Variants in AKAP13 observed in about 807,000 individuals in gnomAD.
AKAP13 encodes the protein A-kinase anchor protein 13.
A neutral mutation model predicts 264.5 loss-of-function variants in AKAP13; 80 were observed. The observed-to-expected ratio is 0.30, with a 90% CI of 0.25 to 0.36. AKAP13 has a LOEUF of 0.36. Ranked by LOEUF, AKAP13 falls within the 10% of genes least tolerant of loss-of-function variation. The probability of loss-of-function intolerance (pLI) is 1.00; values close to 1 mark genes in which losing one functional copy is unlikely to be tolerated. For synonymous variants in AKAP13, 1,380 were observed against 1,250.2 expected, an observed-to-expected ratio of 1.10 and a Z score of -2.19; for missense variants, 3,712 against 3,435.2, an observed-to-expected ratio of 1.08 and a Z score of -2.01.
Position 85,565,294 on chromosome 15 carries a change from T to C in AKAP13, c.663-9837T>C, listed in dbSNP as rs189008124. ...AATCTCTATGGACCTTCCTGCAGTA[T>C]TTATATTCGTTCATCTACAGATCTT... On this transcript the variant is annotated intron_variant, in intron 5 of 36. Transcript: ENST00000394518. Among the ~76,000 whole-genome samples the C allele has an allele frequency of 1.8e-3, 273 of 152,218 alleles. 1 individual carries two copies. Among genetic ancestry groups the C allele is most frequent in the Admixed American group, 4.4e-3 (67 of 15,284 alleles).
chr15:85,440,006 C>G (rs2073563016), intron 1 of AKAP13, among the ~76,000 whole-genome samples: 1 of 151,334 alleles, frequency 6.6e-6, no homozygotes, highest in Non-Finnish European at 1.5e-5. Flanking sequence ...AAATAAAAAC[C>G]AGGTTGTCAC....
chr15:85,720,142 G>A (rs1414708935), intron 23 of AKAP13, among the ~76,000 whole-genome samples: 1 of 151,958 alleles, frequency 6.6e-6, no homozygotes, highest in Non-Finnish European at 1.5e-5. Context: ...CCCGAGGTGG[G>A]AGGATCACTT....
chr15:85,711,211 A>G (rs1261665890), intron 19 of AKAP13, among the ~76,000 whole-genome samples: 2 of 152,038 alleles, frequency 1.3e-5, no homozygotes, highest in Non-Finnish European at 2.9e-5. Context: ...GAAGTTATAG[A>G]AAATAGTTCT....
intron 5 of AKAP13, among the ~76,000 whole-genome samples, chr15:85,549,725 A>T (rs1395316833): frequency 6.6e-6 from 1 of 152,218 alleles, no homozygotes. Flanking sequence ...GAGACTCAGG[A>T]CGAGGCTACT....
chr15:85,594,390 A>G (rs1175316990), intron 8 of AKAP13, among the ~76,000 whole-genome samples: 2 of 152,268 alleles, frequency 1.3e-5, no homozygotes, highest in African/African-American at 4.8e-5. Context: ...GTTAAAATAC[A>G]GGTAAACATA....
intron 5 of AKAP13, among the ~76,000 whole-genome samples, chr15:85,552,271 C>T (rs1286807745): frequency 1.3e-5 from 2 of 152,166 alleles, no homozygotes; most frequent in Non-Finnish European, 2.9e-5. Flanking sequence ...CTTGTCCTGG[C>T]ACATCAGTAA....
At chr15:85,413,419 AT>A (rs1369001902) in intron 1 of AKAP13, among the ~76,000 whole-genome samples, 3 of 152,120 alleles carry the variant, frequency 2.0e-5, no homozygotes, top group Admixed American at 2.0e-4. Flanking sequence ...TAGTTCTTTC[AT>A]TTCATTCAGG....
intron 17 of AKAP13, among the ~76,000 whole-genome samples, chr15:85,696,394 T>C (rs2085568433): frequency 6.6e-6 from 1 of 152,232 alleles, no homozygotes; most frequent in African/African-American, 2.4e-5. Context: ...GTGTCACATA[T>C]AAAGTGAGGC....
intron 4 of AKAP13, chr15:85,534,856 T>C (rs969421774): frequency 1.3e-5 from 2 of 152,020 alleles, no homozygotes; most frequent in African/African-American, 4.8e-5. Flanking sequence ...ATAGATATTT[T>C]TTAATGAAAC....
intron 1 of AKAP13, among the ~76,000 whole-genome samples, chr15:85,432,428 T>C (rs1022978230): frequency 3.9e-5 from 6 of 152,074 alleles, no homozygotes; most frequent in African/African-American, 1.4e-4. Flanking sequence ...CAGAAAGTGG[T>C]TTGTAAAATA....
intron 5 of AKAP13, among the ~76,000 whole-genome samples, chr15:85,558,287 CA>C (rs1375862469): frequency 1.3e-5 from 2 of 152,074 alleles, no homozygotes; most frequent in Non-Finnish European, 2.9e-5. Context: ...CTAGTTTGTC[CA>C]AAAGACATTA....
chr15:85,421,198 ATAAAT>A (rs559183156), intron 1 of AKAP13, among the ~76,000 whole-genome samples: 182 of 152,240 alleles, frequency 1.2e-3, no homozygotes, highest in Non-Finnish European at 2.2e-3. Context: ...TATAATTAGA[ATAAAT>A]TAAGGGAGAA....
chr15:85,568,323 A>G (rs2078683835), intron 5 of AKAP13, among the ~76,000 whole-genome samples: 1 of 152,100 alleles, frequency 6.6e-6, no homozygotes, highest in African/African-American at 2.4e-5. Flanking sequence ...AAAAGTCACA[A>G]GAGAGTAATA....
intron 5 of AKAP13, among the ~76,000 whole-genome samples, chr15:85,563,329 G>GTTTTTTTTTTTTT (rs1184437606): frequency 1.3e-4 from 7 of 54,192 alleles, no homozygotes; most frequent in Admixed American, 5.4e-4. Flanking sequence ...GAATGTGCTT[G>GTTTTTTTTTTTTT]TTTTTTTTTT....
intron 17 of AKAP13, among the ~76,000 whole-genome samples, chr15:85,693,975 A>G (rs888825881): frequency 7.9e-5 from 12 of 152,180 alleles, no homozygotes; most frequent in South Asian, 2.1e-4. Context: ...TCAATTTACC[A>G]TGGGTTTATG....
At chr15:85,719,361 A>G in intron 23 of AKAP13, 35 bp downstream of exon 23, 1 of 1,607,886 alleles carries the variant, frequency 6.2e-7, no homozygotes, top group South Asian at 1.1e-5. Flanking sequence ...TCTTACATAC[A>G]CTGGGAAAAA....
At chr15:85,574,695 G>A (rs1222566300) in intron 5 of AKAP13, among the ~76,000 whole-genome samples, 1 of 152,112 alleles carries the variant, frequency 6.6e-6, no homozygotes, top group Non-Finnish European at 1.5e-5. Flanking sequence ...TGTAAGGGTT[G>A]GAGTGAGTGG....
chr15:85,438,529 A>G (rs2073444068), intron 1 of AKAP13, among the ~76,000 whole-genome samples: 1 of 148,228 alleles, frequency 6.7e-6, no homozygotes, highest in Admixed American at 6.7e-5. Flanking sequence ...AAGCCAAAAG[A>G]ACAAAGCTGG....
At chr15:85,414,734 T>G (rs1287735484) in intron 1 of AKAP13, among the ~76,000 whole-genome samples, 1 of 152,244 alleles carries the variant, frequency 6.6e-6, no homozygotes, top group East Asian at 1.9e-4. Context: ...CTTGTTTCTT[T>G]TTCAAAGTCT....
Sources: allele counts gnomAD v4.1 joint callset (sites outside exome capture counted in the v4.1 genomes callset), GRCh38; gene constraint gnomAD v4.1.1; transcripts MANE v1.5; gene names NCBI Gene and HGNC (gene_info 2026-07-23, HGNC 2026-07-21).